The following CIAO2A variants were observed in gnomAD, a reference collection of about 807,000 sequenced individuals.
CIAO2A encodes the protein cytosolic iron-sulfur assembly component 2A, also known as MIP18 family protein FAM96A.
A neutral mutation model predicts 22.4 loss-of-function variants in CIAO2A; 17 were observed. The observed-to-expected ratio is 0.76, with a 90% confidence interval of 0.52 to 1.14. CIAO2A has a LOEUF of 1.14. Ranked by LOEUF, CIAO2A falls within the 50% of genes most tolerant of loss-of-function variation. The pLI is 0.00. For synonymous variants in CIAO2A, 74 were observed against 72.3 expected (o/e 1.02, Z -0.12); for missense variants, 192 against 191.4 (o/e 1.00, Z -0.02).
At chr15:64,085,165 A>T (rs1242562610) in intron 2 of CIAO2A, among the ~76,000 whole-genome samples, 1 of 152,248 alleles carries the variant, frequency 6.6e-6, no homozygotes, top group Non-Finnish European at 1.5e-5. Context: ...AAAAGGCTAG[A>T]AGTAGTCCAA....
intron 2 of CIAO2A, among the ~76,000 whole-genome samples, chr15:64,084,624 C>A (rs1310490854): frequency 6.6e-6 from 1 of 151,900 alleles, no homozygotes; most frequent in African/African-American, 2.4e-5. Context: ...ACAAAATTAG[C>A]CAGGTGTGGT....
At chr15:64,080,152 C>T (rs1033553188) in intron 3 of CIAO2A, among the ~76,000 whole-genome samples, 2 of 151,938 alleles carry the variant, frequency 1.3e-5, no homozygotes, top group South Asian at 2.1e-4. Context: ...TTTGGGAGGC[C>T]GAGGCAGTGG....
At chr15:64,079,335 G>A (rs2080743745) in intron 3 of CIAO2A, among the ~76,000 whole-genome samples, 1 of 152,084 alleles carries the variant, frequency 6.6e-6, no homozygotes, top group Admixed American at 6.5e-5. Flanking sequence ...GAGCCCAGGA[G>A]TTTGAGACTA....
At chr15:64,077,297 C>CAAAAA (rs2080726565) in intron 3 of CIAO2A, among the ~76,000 whole-genome samples, 1 of 150,390 alleles carries the variant, frequency 6.6e-6, no homozygotes, top group Non-Finnish European at 1.5e-5. Flanking sequence ...GACTCCGTCT[C>CAAAAA]AACAAAACAA....
In CIAO2A at chr15:64,072,811, C is replaced by T. The variant is rs1369239073; in HGVS notation, c.*120G>A. ...AATTAAATCTCGCTTGGAAAGAATC[C>T]TTTAAAAAATACTCTGAGGTACAAA... On this transcript the variant is annotated 3_prime_UTR_variant, in exon 5 of 5. Coordinates refer to ENST00000300030, the MANE Select transcript of CIAO2A (RefSeq NM_032231.7). 1 of 598,266 alleles carries T rather than the reference C, an allele frequency of 1.7e-6. No homozygotes were observed. The highest frequency in any genetic ancestry group is 1.9e-5 in the African/African-American group (1 of 53,490). The allele number at this position is 598,266 out of a possible 1,614,324, so 37.1% of individuals were successfully genotyped here.
At chr15:64,079,268 CA>C (rs1268023588) in intron 3 of CIAO2A, among the ~76,000 whole-genome samples, 1 of 152,006 alleles carries the variant, frequency 6.6e-6, no homozygotes, top group African/African-American at 2.4e-5. Context: ...TGGCCAGGCC[CA>C]GTGGTTCATG....
At chr15:64,080,545 G>A (rs1173977899) in intron 3 of CIAO2A, among the ~76,000 whole-genome samples, 2 of 152,080 alleles carry the variant, frequency 1.3e-5, no homozygotes, top group Non-Finnish European at 2.9e-5. Context: ...AGCTGGGCGT[G>A]GTGGTGGGCA....
At position 64,081,144 on chromosome 15, in the gene CIAO2A, G is replaced by A; in HGVS notation, c.297C>T (p.Cys99=). The A allele has an allele frequency of 6.2e-7, 1 of 1,613,196 alleles. No homozygotes were observed. Among genetic ancestry groups the A allele is most frequent in the Non-Finnish European group, 8.5e-7 (1 of 1,179,668 alleles). The change falls in exon 3 of 5, where the codon TGC becomes TGT. Residue 99 remains cysteine (C), a synonymous_variant. Transcript: ENST00000300030. The part of the protein sequence containing the change: ...HCSLATLIGL[C]LRVKLQRCLP... ...AACATCGCTGAAGTTTTACTCTTAA[G>A]CACAGCCCTGTGGAGGGAAAATCAC...
chr15:64,081,202 G>T, intron 2 of CIAO2A, 51 bp from the exon 3 acceptor site: 1 of 1,562,350 alleles, frequency 6.4e-7, no homozygotes, highest in Non-Finnish European at 8.8e-7. Context: ...CTTCTTATTG[G>T]TTCTTGAAAA....
At chr15:64,091,279 G>C (rs1567309756) in intron 1 of CIAO2A, among the ~76,000 whole-genome samples, 1 of 152,064 alleles carries the variant, frequency 6.6e-6, no homozygotes, top group Non-Finnish European at 1.5e-5. Context: ...GAGTTCAGGA[G>C]TTCAAGACCA....
chr15:64,082,666 A>C (rs1433565155), intron 2 of CIAO2A, among the ~76,000 whole-genome samples: 2 of 152,058 alleles, frequency 1.3e-5, no homozygotes, highest in Non-Finnish European at 2.9e-5. Context: ...CCCTGGCCCC[A>C]CCATTGTCTC....
chr15:64,091,212 G>A (rs1249943572), intron 1 of CIAO2A, among the ~76,000 whole-genome samples: 2 of 152,178 alleles, frequency 1.3e-5, no homozygotes, highest in Non-Finnish European at 2.9e-5. Context: ...CAAACATGAC[G>A]GCTCATGCCT....
chr15:64,091,946 G>C (rs890391393), intron 1 of CIAO2A, among the ~76,000 whole-genome samples: 4 of 151,496 alleles, frequency 2.6e-5, no homozygotes, highest in Middle Eastern at 3.2e-3. Context: ...TATGGTCCCA[G>C]TCAGTCAGGA....
chr15:64,081,202 G>C (rs2080757042), intron 2 of CIAO2A, 51 bp from the exon 3 acceptor site: 8 of 1,562,232 alleles, frequency 5.1e-6, no homozygotes, highest in Non-Finnish European at 7.0e-6. Flanking sequence ...CTTCTTATTG[G>C]TTCTTGAAAA....
chr15:64,076,723 C>CTTTTT (rs556233822), intron 3 of CIAO2A, among the ~76,000 whole-genome samples: 3 of 115,172 alleles, frequency 2.6e-5, no homozygotes, highest in Non-Finnish European at 3.9e-5. Context: ...CTAGTCCAAT[C>CTTTTT]TTTTTTTTTT....
At chr15:64,084,568 G>C (rs1265545546) in intron 2 of CIAO2A, among the ~76,000 whole-genome samples, 1 of 152,042 alleles carries the variant, frequency 6.6e-6, no homozygotes, top group Non-Finnish European at 1.5e-5. Context: ...TTGGGAGTTA[G>C]AGACCAGCCT....
intron 3 of CIAO2A, among the ~76,000 whole-genome samples, chr15:64,076,969 G>A (rs2080722858): frequency 6.6e-6 from 1 of 152,002 alleles, no homozygotes; most frequent in Non-Finnish European, 1.5e-5. Flanking sequence ...GCCTCCCAAA[G>A]TACAGAGATT....
intron 4 of CIAO2A, among the ~76,000 whole-genome samples, chr15:64,073,372 G>A (rs187525993): frequency 9.0e-4 from 137 of 152,188 alleles, no homozygotes; most frequent in African/African-American, 3.1e-3. Context: ...CATGGTAAAA[G>A]TCTTAAGTGT....
intron 3 of CIAO2A, among the ~76,000 whole-genome samples, chr15:64,080,776 C>T (rs902344068): frequency 7.2e-5 from 11 of 152,256 alleles, no homozygotes; most frequent in Admixed American, 3.3e-4. Flanking sequence ...GAAGTGGGAA[C>T]GCAGAATGGT....
Sources: gnomAD v4.1 joint callset for allele counts (sites outside exome capture counted in the v4.1 genomes callset) on GRCh38, gnomAD v4.1.1 for gene constraint, MANE v1.5 for transcripts, NCBI Gene and HGNC (gene_info 2026-07-23, HGNC 2026-07-21) for gene names.